ACSBG2: variants seen among roughly 807,000 people sequenced by gnomAD.
ACSBG2 encodes the protein long-chain-fatty-acid--CoA ligase ACSBG2.
A neutral mutation model predicts 74.7 loss-of-function variants in ACSBG2; 62 were observed. The observed-to-expected ratio is 0.83, with a 90% CI of 0.68 to 1.03. The LOEUF is 1.03. Ranked by LOEUF, ACSBG2 falls within the 50% of genes least tolerant of loss-of-function variation. The pLI is 0.00. For missense variants in ACSBG2, 730 were observed against 817.6 expected (o/e 0.89, Z 1.31); for synonymous variants, 309 against 294.1 (o/e 1.05, Z -0.52).
rs541241098 is a variant in ACSBG2, at chr19:6,162,672, A to G, written c.588+1377A>G. 2.6e-5 allele frequency among the ~76,000 whole-genome samples: 4 copies of G among 152,224 alleles called. No individual in the cohort carries two copies. The South Asian group carries it at 6.2e-4, about 24-fold the overall frequency. Reference sequence around the variant, plus strand: ...AACTTAAAAGACTACTTTGTTAGCAATAACACTTACAGCAGGGTTTCTCAA... The same window carrying G: ...AACTTAAAAGACTACTTTGTTAGCAGTAACACTTACAGCAGGGTTTCTCAA... On this transcript the variant is annotated intron_variant, in intron 6 of 14. Transcript: ENST00000588485.
chr19:6,141,474 T>A (rs1405075843), intron 1 of ACSBG2, 39 bp from the exon 2 acceptor site: 4 of 1,028,130 alleles, frequency 3.9e-6, no homozygotes, highest in Non-Finnish European at 6.2e-6. Context: ...ACAGCCCCTT[T>A]GCCAATCCTG....
chr19:6,188,258 G>A (rs866666580), intron 13 of ACSBG2, among the ~76,000 whole-genome samples: 1 of 152,132 alleles, frequency 6.6e-6, no homozygotes. Flanking sequence ...CCCCCTCAGA[G>A]CAGCCTTGTT....
chr19:6,165,754 C>A, intron 6 of ACSBG2, 112 bp from the exon 7 acceptor site: 1 of 1,326,986 alleles, frequency 7.5e-7, no homozygotes, highest in Non-Finnish European at 1.0e-6. Flanking sequence ...CATCCTAAGC[C>A]CTTCCACCTG....
chr19:6,179,436 A>G (rs1320569325), intron 8 of ACSBG2, among the ~76,000 whole-genome samples: 27 of 151,960 alleles, frequency 1.8e-4, no homozygotes, highest in Non-Finnish European at 7.4e-5. Context: ...TGTAGCCAGA[A>G]CTACAGGCAT....
At chr19:6,148,008 TG>T (rs1195073881) in intron 3 of ACSBG2, among the ~76,000 whole-genome samples, 1 of 152,262 alleles carries the variant, frequency 6.6e-6, no homozygotes, top group Admixed American at 6.5e-5. Context: ...TCTATGTTTT[TG>T]TTAGTTGCTG....
intron 1 of ACSBG2, among the ~76,000 whole-genome samples, chr19:6,139,336 C>G (rs1173855696): frequency 1.3e-5 from 2 of 152,152 alleles, no homozygotes. Flanking sequence ...GGTGATCTGC[C>G]AGCCTCGGCC....
chr19:6,176,177 C>T, intron 7 of ACSBG2: 1 of 653,728 alleles, frequency 1.5e-6, no homozygotes, highest in East Asian at 3.4e-5. Context: ...AGACCTAGGG[C>T]TTTACCCAAA....
At position 6,165,955 on chromosome 19, in the gene ACSBG2, G is replaced by A. The variant is rs768287366; in HGVS notation, c.678G>A (p.Val226=). Residue 226 remains valine, a synonymous_variant, in exon 7 of 15, where the codon GTG becomes GTA. Coordinates refer to ENST00000588485, the MANE Select transcript of ACSBG2 (RefSeq NM_030924.5). ...GCCAGAAGGCGAATCAATGCGCAGT[G>A]CTCATCTACACTTCAGGGACCACAG... The part of the protein sequence containing the change: ...IESQKANQCA[V]LIYTSGTTGI... The A allele has an allele frequency of 1.2e-6, 2 of 1,613,722 alleles. No individual in the cohort carries two copies. Among genetic ancestry groups the A allele is most frequent in the African/African-American group, 2.7e-5 (2 of 74,812 alleles).
At position 6,174,276 on chromosome 19, in the gene ACSBG2, A is replaced by G. The variant is rs754339046; in HGVS notation, c.739-2953A>G. 2.6e-5 allele frequency among the ~76,000 whole-genome samples: 4 copies of G among 152,094 alleles called. No homozygotes were observed. Among genetic ancestry groups the G allele is most frequent in the Non-Finnish European group, 5.9e-5 (4 of 68,012 alleles). ...TCTTAACCTGGTGGCTGACTCTCCC[A>G]ACAGCAAGTGGTCCCAAAGATTTGT... is the stretch of plus-strand genomic sequence containing the variant. On this transcript the variant is annotated intron_variant, in intron 7 of 14. Coordinates refer to ENST00000588485, the MANE Select transcript of ACSBG2 (RefSeq NM_030924.5). This position sits in a 1 kb window ranked among gnomAD's most constrained non-coding sequence, Gnocchi z 4.2.
At chr19:6,169,585 A>G (rs1481807246) in intron 7 of ACSBG2, among the ~76,000 whole-genome samples, 1 of 152,114 alleles carries the variant, frequency 6.6e-6, no homozygotes, top group East Asian at 1.9e-4. Flanking sequence ...GTTCCATATA[A>G]ATTTTAGAAT....
intron 3 of ACSBG2, among the ~76,000 whole-genome samples, chr19:6,147,954 A>AG (rs1338056439): frequency 6.6e-6 from 1 of 152,236 alleles, no homozygotes; most frequent in Non-Finnish European, 1.5e-5. Flanking sequence ...ATAGCCTACT[A>AG]CACCCATGGT....
At chr19:6,140,224 CAAAA>C (rs370796775) in intron 1 of ACSBG2, among the ~76,000 whole-genome samples, 2 of 115,770 alleles carry the variant, frequency 1.7e-5, no homozygotes, top group Admixed American at 9.3e-5. Context: ...GACTCCGTCT[CAAAA>C]AAAAAAAAAA....
In ACSBG2 at chr19:6,176,417, T is replaced by C; in HGVS notation, c.739-812T>C. On this transcript the variant is annotated intron_variant, in intron 7 of 14. Transcript: ENST00000588485. Reference sequence around the variant, plus strand: ...GCTTGTCTGTCAGTTGAAAGTCCTTTGCCACTGCTCCTGCCATCCACGTGA... The same window carrying C: ...GCTTGTCTGTCAGTTGAAAGTCCTTCGCCACTGCTCCTGCCATCCACGTGA... 2 of 1,483,068 alleles carry C rather than the reference T, an allele frequency of 1.3e-6. 1 individual carries two copies. The highest frequency in any genetic ancestry group is 2.5e-5 in the South Asian group (2 of 78,988). 91.9% of individuals were successfully genotyped at this position (1,483,068 alleles called of 1,614,324 possible).
chr19:6,156,795 T>C (rs1372830542), intron 5 of ACSBG2, among the ~76,000 whole-genome samples: 2 of 151,850 alleles, frequency 1.3e-5, no homozygotes, highest in East Asian at 1.9e-4. Flanking sequence ...CATTTTTTTT[T>C]TTTTTTCGAG....
rs1369483238 is a variant in ACSBG2 at position 6,192,752 on chromosome 19, C to T, written c.*120C>T. The T allele has an allele frequency of 1.3e-5, 2 of 152,178 alleles. No homozygotes were observed. Among genetic ancestry groups the T allele is most frequent in the Non-Finnish European group, 2.9e-5 (2 of 68,034 alleles). The allele number at this position is 152,178 out of a possible 1,614,324, so 9.4% of individuals were successfully genotyped here. A position where few individuals can be genotyped will look rare whatever the true frequency, so the allele number is the denominator to read the frequency against. The stretch of plus-strand genomic sequence containing the variant: ...CTGCTGTTTTTAAGAAGCCACATTC[C>T]TCATTGGTCAGTTTCTTGATTGTTC... On this transcript the variant is annotated 3_prime_UTR_variant, in exon 15 of 15. Transcript: ENST00000588485.
At chr19:6,168,635 T>C (rs2089879833) in intron 7 of ACSBG2, among the ~76,000 whole-genome samples, 1 of 152,230 alleles carries the variant, frequency 6.6e-6, no homozygotes, top group Non-Finnish European at 1.5e-5. Context: ...CTAGTATTTA[T>C]GCTCCTAGTG....
At chr19:6,166,311 T>TGTGTGTGTGC (rs2089806859) in intron 7 of ACSBG2, among the ~76,000 whole-genome samples, 1 of 150,866 alleles carries the variant, frequency 6.6e-6, no homozygotes, top group South Asian at 2.1e-4. Context: ...TGTGTGTGTG[T>TGTGTGTGTGC]GTGTGTGTGT....
intron 4 of ACSBG2, 50 bp from the exon 5 acceptor site, chr19:6,156,381 G>C: frequency 6.5e-7 from 1 of 1,540,092 alleles, no homozygotes. Context: ...AGACCATTCT[G>C]CCTTTAAGGT....
Position 6,177,320 on chromosome 19 carries a change from C to A in ACSBG2, c.830C>A (p.Ala277Glu). Reference protein sequence around the residue: ...VVSYLPLSHIAAQMMDIWVPI... With the variant: ...VVSYLPLSHIEAQMMDIWVPI... ...AGCTACCTCCCACTCAGCCATATTGCAGCACAGATGATGGACATCTGGGTA... is the reference window on the plus strand; with the variant it reads ...AGCTACCTCCCACTCAGCCATATTGAAGCACAGATGATGGACATCTGGGTA... Residue 277 changes from alanine to glutamate, a missense_variant, in exon 8 of 15, where the codon GCA (alanine) becomes GAA (glutamate). Ala to Glu is a moderately radical substitution (Grantham distance 107). Coordinates refer to ENST00000588485, the MANE Select transcript of ACSBG2 (RefSeq NM_030924.5). 1 of 1,613,762 alleles carries A rather than the reference C, an allele frequency of 6.2e-7. No homozygotes were observed. The highest frequency in any genetic ancestry group is 8.5e-7 in the Non-Finnish European group (1 of 1,179,924).
Sources: gnomAD v4.1 joint callset for allele counts (sites outside exome capture counted in the v4.1 genomes callset) on GRCh38, gnomAD v4.1.1 for gene constraint, Gnocchi (gnomAD v3.1) non-coding constraint, MANE v1.5 for transcripts, NCBI Gene and HGNC (gene_info 2026-07-23, HGNC 2026-07-21) for gene names.